Variants in LRRC69 observed in about 807,000 individuals in gnomAD.
LRRC69 encodes the protein leucine rich repeat containing 69.
LRRC69 carries 42 observed loss-of-function variants against 37.8 expected under a neutral mutation model. That is an observed-to-expected ratio of 1.11 (90% CI 0.87 to 1.44). The LOEUF (loss-of-function observed/expected upper bound fraction) is 1.44, where lower values mean the gene tolerates loss of function less well. Among genes scored for constraint, LRRC69 ranks in the 40% most tolerant of loss-of-function variants. LRRC69 has a pLI of 0.00. For missense variants in LRRC69, 357 were observed against 401.9 expected (o/e 0.89, Z 0.96); for synonymous variants, 141 against 143.1 (o/e 0.99, Z 0.11).
At chr8:91,116,196 C>T (rs1446177940) in intron 1 of LRRC69, among the ~76,000 whole-genome samples, 1 of 151,880 alleles carries the variant, frequency 6.6e-6, no homozygotes, top group Non-Finnish European at 1.5e-5. Flanking sequence ...TAACATTTTA[C>T]CCCACAGTAT....
intron 5 of LRRC69, among the ~76,000 whole-genome samples, chr8:91,141,863 CTT>C (rs773493022): frequency 2.0e-5 from 3 of 151,876 alleles, no homozygotes; most frequent in Non-Finnish European, 4.4e-5. Context: ...GCCTTCATAA[CTT>C]TTGATGATGG....
At position 91,195,469 on chromosome 8, in the gene LRRC69, G is replaced by GT. The variant is rs929392838; in HGVS notation, c.754-5143dup. ...TGTTAAAGTCTCCCATTATTAATGT[G>GT]TAGGAGTCTAAGTCTCTTTGTAGGT... On this transcript the variant is annotated intron_variant, in intron 6 of 7. Transcript: ENST00000448384. Among the ~76,000 whole-genome samples the GT allele has an allele frequency of 6.4e-4, 97 of 152,014 alleles. 1 individual carries two copies. The highest frequency in any genetic ancestry group is 2.3e-3 in the African/African-American group (95 of 41,480).
At chr8:91,142,821 T>A (rs1163024010) in intron 5 of LRRC69, among the ~76,000 whole-genome samples, 1 of 152,030 alleles carries the variant, frequency 6.6e-6, no homozygotes, top group Non-Finnish European at 1.5e-5. Context: ...TTGTCCCAGG[T>A]TGGGGCAGTC....
intron 5 of LRRC69, among the ~76,000 whole-genome samples, chr8:91,184,899 G>A (rs553101269): frequency 5.9e-5 from 9 of 152,182 alleles, no homozygotes; most frequent in Non-Finnish European, 8.8e-5. Flanking sequence ...AAGAGATAGT[G>A]CAGAATCCAA....
At chr8:91,121,718 A>T (rs190104245) in intron 1 of LRRC69, among the ~76,000 whole-genome samples, 1 of 152,236 alleles carries the variant, frequency 6.6e-6, no homozygotes, top group African/African-American at 2.4e-5. Context: ...TTACTGTGTA[A>T]GTGCCTTGAG....
intron 5 of LRRC69, among the ~76,000 whole-genome samples, chr8:91,141,843 G>A (rs901585862): frequency 2.0e-5 from 3 of 151,978 alleles, no homozygotes; most frequent in African/African-American, 7.2e-5. Flanking sequence ...TAAGGGGAAA[G>A]TGACCTGTTG....
intron 1 of LRRC69, among the ~76,000 whole-genome samples, chr8:91,109,483 A>ACATTTTAATTGAATGT (rs1237957994): frequency 6.6e-6 from 1 of 152,272 alleles, no homozygotes; most frequent in East Asian, 1.9e-4. Context: ...TTAAGATTTT[A>ACATTTTAATTGAATGT]CATTTTAATT....
intron 5 of LRRC69, among the ~76,000 whole-genome samples, chr8:91,166,492 G>GAAAAAAA (rs66705016): frequency 7.3e-5 from 7 of 95,250 alleles, no homozygotes; most frequent in African/African-American, 3.1e-4. Context: ...AAAATAAACT[G>GAAAAAAA]AAAAAAAAAA....
chr8:91,177,987 T>C (rs969159734), intron 5 of LRRC69, among the ~76,000 whole-genome samples: 1 of 151,942 alleles, frequency 6.6e-6, no homozygotes, highest in Admixed American at 6.6e-5. Context: ...TAGCTGGGAC[T>C]ACTGGGGCCC....
intron 6 of LRRC69, among the ~76,000 whole-genome samples, chr8:91,196,373 T>C (rs1472250507): frequency 2.6e-5 from 4 of 151,874 alleles, no homozygotes; most frequent in Non-Finnish European, 5.9e-5. Context: ...CTGTATTTCC[T>C]GAATCTGAAC....
At chr8:91,118,351 C>A (rs1218058474) in intron 1 of LRRC69, 116 of 102,008 alleles carry the variant, frequency 1.1e-3, no homozygotes, top group Middle Eastern at 8.8e-3. Context: ...ACTAAAAATG[C>A]AAAAAAAAAA....
intron 7 of LRRC69, among the ~76,000 whole-genome samples, chr8:91,207,799 T>C (rs1809831640): frequency 1.3e-5 from 2 of 152,234 alleles, no homozygotes; most frequent in South Asian, 4.1e-4. Flanking sequence ...GTGACTCTTT[T>C]ATGTGAAGTT....
At chr8:91,125,506 A>G (rs1051595568) in intron 2 of LRRC69, among the ~76,000 whole-genome samples, 1 of 151,896 alleles carries the variant, frequency 6.6e-6, no homozygotes, top group African/African-American at 2.4e-5. Flanking sequence ...GTAACAAACA[A>G]TTATTGAACT....
At chr8:91,200,888 G>C (rs1809701676) in intron 7 of LRRC69, 96 bp downstream of exon 7, 1 of 1,184,516 alleles carries the variant, frequency 8.4e-7, no homozygotes, top group African/African-American at 1.6e-5. Context: ...TTGTACCTAT[G>C]ATTGGCTTAT....
intron 7 of LRRC69, among the ~76,000 whole-genome samples, chr8:91,208,669 A>C (rs1213479102): frequency 2.0e-5 from 3 of 152,144 alleles, no homozygotes; most frequent in Non-Finnish European, 4.4e-5. Flanking sequence ...TATCTTGATC[A>C]CTTAGAATTT....
intron 6 of LRRC69, 131 bp downstream of exon 6, chr8:91,189,754 A>G (rs1161446874): frequency 1.9e-6 from 1 of 522,704 alleles, no homozygotes; most frequent in Non-Finnish European, 3.3e-6. Context: ...GGCAATGTGG[A>G]TCCTATACAT....
chr8:91,160,846 G>T (rs775668035), intron 5 of LRRC69, among the ~76,000 whole-genome samples: 4 of 151,246 alleles, frequency 2.6e-5, no homozygotes, highest in Non-Finnish European at 5.9e-5. Flanking sequence ...AGGCATCCTT[G>T]TCTTGCTCCA....
At chr8:91,119,344 T>C (rs1306616302) in intron 1 of LRRC69, among the ~76,000 whole-genome samples, 1 of 152,080 alleles carries the variant, frequency 6.6e-6, no homozygotes, top group Non-Finnish European at 1.5e-5. Flanking sequence ...CATTTATGAA[T>C]TTAAAGGCAA....
At chr8:91,164,328 G>A (rs531994564) in intron 5 of LRRC69, among the ~76,000 whole-genome samples, 2 of 151,644 alleles carry the variant, frequency 1.3e-5, no homozygotes, top group East Asian at 3.9e-4. Context: ...AAGGTGTCAG[G>A]AAACTAGGCT....
Sources: allele counts gnomAD v4.1 joint callset (sites outside exome capture counted in the v4.1 genomes callset), GRCh38; gene constraint gnomAD v4.1.1; transcripts MANE v1.5; gene names NCBI Gene and HGNC (gene_info 2026-07-23, HGNC 2026-07-21).